Variants in FNDC3A observed in about 807,000 individuals in gnomAD.
FNDC3A encodes the protein fibronectin type-III domain-containing protein 3A.
Under a neutral mutation model 148.9 loss-of-function variants are expected in FNDC3A, and 32 were observed. The ratio of observed to expected loss-of-function variants is 0.21; its 90% CI spans 0.16 to 0.29. The LOEUF is 0.29. Among genes scored for constraint, FNDC3A ranks in the 10% least tolerant of loss-of-function variants. The pLI, the probability that FNDC3A is intolerant of heterozygous loss-of-function variation, is 1.00. For synonymous variants in FNDC3A, 472 were observed against 473.6 expected, an observed-to-expected ratio of 1.00 and a Z score of 0.04; for missense variants, 1,191 against 1,452.8, an observed-to-expected ratio of 0.82 and a Z score of 2.93.
chr13:49,083,226 A>G (rs968010931), intron 3 of FNDC3A, among the ~76,000 whole-genome samples: 1 of 152,158 alleles, frequency 6.6e-6, no homozygotes, highest in Admixed American at 6.5e-5. Context: ...TGTAGGAGTG[A>G]TGGTCTTTAT....
At chr13:49,040,549 A>G (rs908379451) in intron 2 of FNDC3A, among the ~76,000 whole-genome samples, 9 of 152,238 alleles carry the variant, frequency 5.9e-5, no homozygotes, top group African/African-American at 2.2e-4. Flanking sequence ...GGTGTAATGA[A>G]ACTGTCAGAT....
intron 2 of FNDC3A, among the ~76,000 whole-genome samples, chr13:49,062,034 T>C (rs898350853): frequency 2.0e-5 from 3 of 151,820 alleles, no homozygotes; most frequent in African/African-American, 2.4e-5. Flanking sequence ...GCGGAAACCA[T>C]TGTGTAAAGG....
At position 49,149,561 on chromosome 13, in the gene FNDC3A, T is replaced by C. The variant is rs138768516; in HGVS notation, c.977+3626T>C. Among the ~76,000 whole-genome samples, 233 of 152,286 alleles carry C rather than the reference T, an allele frequency of 1.5e-3. 2 individuals are homozygous for C. The highest frequency in any genetic ancestry group is 4.4e-3 in the Admixed American group (68 of 15,308). On this transcript the variant is annotated intron_variant, in intron 8 of 25. Transcript: ENST00000492622. The stretch of plus-strand genomic sequence containing the variant: ...GTATAAATCCCACTTGATCATGGTG[T>C]ATTGTCTTTATAATGTGCTGTTGAA...
At position 49,184,655 on chromosome 13, in the gene FNDC3A, G is replaced by T. The variant is rs371013447; in HGVS notation, c.1618-1309G>T. 7.9e-5 allele frequency among the ~76,000 whole-genome samples: 12 copies of T among 152,244 alleles called. No individual in the cohort carries two copies. In the East Asian group the frequency reaches 2.1e-3, roughly 27 times the overall value. On this transcript the variant is annotated intron_variant, in intron 14 of 25. Coordinates refer to ENST00000492622, the MANE Select transcript of FNDC3A (RefSeq NM_001079673.2). ...TATAAAATGAGGGGTTTATATTGGG[G>T]AGAGAGACCCTGGGGTCGTTTGTTG... is the stretch of plus-strand genomic sequence containing the variant.
At chr13:49,120,774 CA>C (rs1881286348) in intron 4 of FNDC3A, among the ~76,000 whole-genome samples, 1 of 151,992 alleles carries the variant, frequency 6.6e-6, no homozygotes, top group Non-Finnish European at 1.5e-5. Context: ...GTAAAGGGAT[CA>C]GTGCAACCAG....
intron 16 of FNDC3A, 93 bp downstream of exon 16, chr13:49,187,283 T>C: frequency 1.9e-6 from 2 of 1,041,940 alleles, no homozygotes; most frequent in African/African-American, 3.2e-5. Flanking sequence ...CTTTTCTTTC[T>C]TCTTGCTTTT....
At chr13:49,057,952 G>A (rs748648672) in intron 2 of FNDC3A, among the ~76,000 whole-genome samples, 3 of 152,038 alleles carry the variant, frequency 2.0e-5, no homozygotes, top group Non-Finnish European at 2.9e-5. Flanking sequence ...AAATTTATAT[G>A]TTGAAGTCCT....
At chr13:49,059,144 A>G (rs1041574258) in intron 2 of FNDC3A, among the ~76,000 whole-genome samples, 107 of 152,250 alleles carry the variant, frequency 7.0e-4, no homozygotes, top group African/African-American at 2.5e-3. Flanking sequence ...TGATGATGCT[A>G]GGACAACTGG....
chr13:49,013,615 T>G (rs1478441836), intron 2 of FNDC3A, among the ~76,000 whole-genome samples: 4 of 151,606 alleles, frequency 2.6e-5, no homozygotes, highest in Non-Finnish European at 4.4e-5. Flanking sequence ...TGTATACATG[T>G]GTACACGTGT....
At chr13:49,050,571 A>C (rs1260800849) in intron 2 of FNDC3A, among the ~76,000 whole-genome samples, 7 of 152,180 alleles carry the variant, frequency 4.6e-5, no homozygotes, top group Admixed American at 4.6e-4. Flanking sequence ...CATATGGTCC[A>C]TCTTGAAGAA....
At chr13:49,086,012 A>G (rs1878787256) in intron 3 of FNDC3A, among the ~76,000 whole-genome samples, 1 of 151,846 alleles carries the variant, frequency 6.6e-6, no homozygotes, top group Admixed American at 6.6e-5. Context: ...CCTCCCAAGT[A>G]GCTGGGATTA....
chr13:49,019,658 G>A (rs563984797), intron 2 of FNDC3A, among the ~76,000 whole-genome samples: 2 of 152,310 alleles, frequency 1.3e-5, no homozygotes, highest in East Asian at 1.9e-4. Flanking sequence ...TTAACTGACA[G>A]TATATTTCTG....
chr13:49,075,826 C>G (rs1418086590), intron 3 of FNDC3A, among the ~76,000 whole-genome samples: 1 of 146,818 alleles, frequency 6.8e-6, no homozygotes, highest in Non-Finnish European at 1.5e-5. Flanking sequence ...CCCCCACCCC[C>G]CCTTTCAGAT....
intron 3 of FNDC3A, among the ~76,000 whole-genome samples, chr13:49,076,520 C>T (rs1315958683): frequency 6.6e-6 from 1 of 151,958 alleles, no homozygotes; most frequent in East Asian, 1.9e-4. Flanking sequence ...GCTGGGATTA[C>T]AGACGTGAGC....
chr13:49,207,660 T>C lies in FNDC3A; in HGVS notation c.*265T>C. 1 of 323,942 alleles carries C rather than the reference T, an allele frequency of 3.1e-6. No individual in the cohort carries two copies. Among genetic ancestry groups the C allele is most frequent in the Non-Finnish European group, 5.7e-6 (1 of 176,340 alleles). The allele number at this position is 323,942 out of a possible 1,614,324, so 20.1% of individuals were successfully genotyped here. A position where few individuals can be genotyped will look rare whatever the true frequency, so the allele number is the denominator to read the frequency against. On this transcript the variant is annotated 3_prime_UTR_variant, in exon 26 of 26. Coordinates refer to ENST00000492622, the MANE Select transcript of FNDC3A (RefSeq NM_001079673.2). ...CTCTCTCTTTTTTTAACAAATGCCTTCTTATAGAAAAACTTTCTAAGAGGC... is the reference window on the plus strand; with the variant it reads ...CTCTCTCTTTTTTTAACAAATGCCTCCTTATAGAAAAACTTTCTAAGAGGC...
chr13:49,114,410 T>TCCCCCCC (rs71188346), intron 3 of FNDC3A, among the ~76,000 whole-genome samples: 8 of 81,696 alleles, frequency 9.8e-5, no homozygotes, highest in South Asian at 3.8e-4. Flanking sequence ...CCCTCCAACC[T>TCCCCCCC]CCCCGCCCCC....
At chr13:49,148,102 G>A (rs1037748572) in intron 8 of FNDC3A, among the ~76,000 whole-genome samples, 100 of 151,996 alleles carry the variant, frequency 6.6e-4, no homozygotes, top group African/African-American at 2.3e-3. Flanking sequence ...TGAATTCCTT[G>A]TATATTCTGG....
chr13:49,111,625 C>T (rs561720415), intron 3 of FNDC3A, among the ~76,000 whole-genome samples: 1 of 151,358 alleles, frequency 6.6e-6, no homozygotes, highest in East Asian at 1.9e-4. Context: ...ACTCGGGAGG[C>T]TGAAGCAGAA....
At chr13:49,029,977 T>C (rs1230185369) in intron 2 of FNDC3A, among the ~76,000 whole-genome samples, 2 of 152,144 alleles carry the variant, frequency 1.3e-5, no homozygotes, top group African/African-American at 2.4e-5. Flanking sequence ...AAAGAAAAAC[T>C]GTCACCAAGG....
Sources: gnomAD v4.1 joint callset for allele counts (sites outside exome capture counted in the v4.1 genomes callset) on GRCh38, gnomAD v4.1.1 for gene constraint, MANE v1.5 for transcripts, NCBI Gene and HGNC (gene_info 2026-07-23, HGNC 2026-07-21) for gene names.